Variants in ZBTB21 observed in about 807,000 individuals in gnomAD.
ZBTB21 encodes zinc finger and BTB domain-containing protein 21.
In ZBTB21, 10 loss-of-function variants were observed where a neutral mutation model predicts 39.8. The observed-to-expected ratio is 0.25, with a 90% CI of 0.16 to 0.43. The LOEUF is 0.43. Ranked by LOEUF, ZBTB21 falls within the 20% of genes least tolerant of loss-of-function variation. ZBTB21 has a pLI of 1.00. For synonymous variants in ZBTB21, 551 were observed against 498.8 expected, an observed-to-expected ratio of 1.10 and a Z score of -1.40; for missense variants, 1,221 against 1,296.3, an observed-to-expected ratio of 0.94 and a Z score of 0.89.
chr21:42,002,913 C>G lies in ZBTB21; in HGVS notation c.-30G>C, dbSNP rs775981551. On this transcript the variant is annotated 5_prime_UTR_variant, in exon 2 of 3. Coordinates refer to ENST00000310826, the MANE Select transcript of ZBTB21 (RefSeq NM_001098402.2). The stretch of plus-strand genomic sequence containing the variant: ...CTTGCTTACCACTTTGATCCTCGCA[C>G]ACAAATAGCTTCCCAAAGCCTTCCT... 4 of 152,234 alleles carry G rather than the reference C, an allele frequency of 2.6e-5. No homozygotes were observed. The highest frequency in any genetic ancestry group is 5.9e-5 in the Non-Finnish European group (4 of 68,036). The allele number at this position is 152,234 out of a possible 1,614,324, so 9.4% of individuals were successfully genotyped here. A position where few individuals can be genotyped will look rare whatever the true frequency, so the allele number is the denominator to read the frequency against.
intron 1 of ZBTB21, among the ~76,000 whole-genome samples, chr21:42,009,940 G>T (rs960099292): frequency 6.6e-6 from 1 of 152,210 alleles, no homozygotes; most frequent in Non-Finnish European, 1.5e-5. Context: ...GGGGCAGCTC[G>T]GCCAGGGTGA....
chr21:41,990,967 A>C lies in ZBTB21; in HGVS notation c.3129T>G (p.Phe1043Leu). Reference sequence around the variant, plus strand: ...ATGTCCTGTGGCAAAGTTTACACATAAACTGTCTTTTAAATGTGATTGCTG... The same window carrying C: ...ATGTCCTGTGGCAAAGTTTACACATCAACTGTCTTTTAAATGTGATTGCTG... ...PLSAITFKRQFMCKLCHRTFK... is the reference protein window; with the variant it reads ...PLSAITFKRQLMCKLCHRTFK... Residue 1043 changes from phenylalanine (F) to leucine (L), a missense_variant, in exon 3 of 3, where the codon TTT becomes TTG. Physicochemically the swap from Phe to Leu is conservative, Grantham distance 22. This residue lies in a region of ZBTB21 where 523 missense variants were observed against 542.5 expected (regional missense o/e 0.96). Transcript: ENST00000310826. 1 of 1,524,698 alleles carries C rather than the reference A, an allele frequency of 6.6e-7. No homozygotes were observed. The highest frequency in any genetic ancestry group is 8.8e-7 in the Non-Finnish European group (1 of 1,138,044). 94.4% of individuals were successfully genotyped at this position (1,524,698 alleles called of 1,614,324 possible).
rs781233991 is a variant in ZBTB21, at chr21:41,994,059, C to T, written c.37G>A (p.Ala13Thr). Residue 13 changes from alanine to threonine, a missense_variant, in exon 3 of 3, where the codon GCC becomes ACC. Ala to Thr is a moderately conservative substitution (Grantham distance 58, BLOSUM62 0). Coordinates refer to ENST00000310826, the MANE Select transcript of ZBTB21 (RefSeq NM_001098402.2). ...TTCAGGGCACTTAGGAGAGAAATGG[C>T]GTGTGCAGGGTTGATGTAATGCAGT... ...GLLHYINPAHAISLLSALNEE... is the reference protein window; with the variant it reads ...GLLHYINPAHTISLLSALNEE... 6.8e-6 allele frequency: 11 copies of T among 1,612,442 alleles called. No individual in the cohort carries two copies. The highest frequency in any genetic ancestry group is 6.6e-5 in the South Asian group (6 of 90,712).
intron 1 of ZBTB21, among the ~76,000 whole-genome samples, chr21:42,005,988 TA>T: frequency 6.6e-6 from 1 of 152,242 alleles, no homozygotes; most frequent in African/African-American, 2.4e-5. Flanking sequence ...AGCTGAGACC[TA>T]AGATCTGAAT....
intron 1 of ZBTB21, chr21:42,008,194 G>A (rs1247936585): frequency 6.6e-6 from 1 of 152,016 alleles, no homozygotes; most frequent in Non-Finnish European, 1.5e-5. Flanking sequence ...TACTTCCATT[G>A]GCTTTGCGGA....
In ZBTB21 at chr21:41,993,645, C is replaced by T; in HGVS notation, c.451G>A (p.Val151Ile). ...TGCGCTTCGTTTCTACTTTGACAAA[C>T]AATGACACTTCTCTTTTGAGAACTG... is the stretch of plus-strand genomic sequence containing the variant. ...ENSSQKRSVI[V>I]CQSRNEAQGK... The change falls in exon 3 of 3, where the codon GTT becomes ATT. Residue 151 changes from valine (V) to isoleucine (I), a missense_variant. By Grantham distance (29) the Val-to-Ile change is conservative. This residue lies in a region of ZBTB21 where 500 missense variants were observed against 465.6 expected (regional missense o/e 1.07). Transcript: ENST00000310826. The T allele has an allele frequency of 6.2e-7, 1 of 1,614,182 alleles. No individual in the cohort carries two copies. The highest frequency in any genetic ancestry group is 8.5e-7 in the Non-Finnish European group (1 of 1,180,026).
At position 41,990,467 on chromosome 21, in the gene ZBTB21, T is replaced by C. The variant is rs551718848; in HGVS notation, c.*428A>G. On this transcript the variant is annotated 3_prime_UTR_variant, in exon 3 of 3. Transcript: ENST00000310826. ...CAATACTGCAAACTACTCCACTTCT[T>C]CCTATTTTGGACTTAAGAACATGGT... is the stretch of plus-strand genomic sequence containing the variant. 8.6e-4 allele frequency: 132 copies of C among 153,284 alleles called. No individual in the cohort carries two copies. The highest frequency in any genetic ancestry group is 1.7e-3 in the Non-Finnish European group (113 of 68,480). 9.5% of individuals were successfully genotyped at this position (153,284 alleles called of 1,614,324 possible).
At chr21:41,997,440 G>A (rs2065761703) in intron 2 of ZBTB21, among the ~76,000 whole-genome samples, 1 of 151,926 alleles carries the variant, frequency 6.6e-6, no homozygotes. Context: ...GCCGAGGGTG[G>A]TGGCATGTGC....
In ZBTB21 at chr21:41,992,444, C is replaced by T; in HGVS notation, c.1652G>A (p.Cys551Tyr). The change falls in exon 3 of 3, where the codon TGC becomes TAC. Residue 551 changes from cysteine (C) to tyrosine (Y), a missense_variant. Cys to Tyr is a radical substitution (Grantham distance 194). This residue lies in a region of ZBTB21 where 90 missense variants were observed against 133.1 expected (regional missense o/e 0.68). Transcript: ENST00000310826. This position sits in a 1 kb window ranked among gnomAD's most constrained non-coding sequence, Gnocchi z 4.1. Reference sequence around the variant, plus strand: ...TGCTGTTGATCTAAAGATCTTAAGGCAATGTTTGCATTTAAATTTTTTGTT... The same window carrying T: ...TGCTGTTGATCTAAAGATCTTAAGGTAATGTTTGCATTTAAATTTTTTGTT... ...RPNKKFKCKHCLKIFRSTAGL... is the reference protein window; with the variant it reads ...RPNKKFKCKHYLKIFRSTAGL... The T allele has an allele frequency of 4.3e-6, 7 of 1,614,040 alleles. No individual in the cohort carries two copies. The highest frequency in any genetic ancestry group is 5.9e-6 in the Non-Finnish European group (7 of 1,179,996).
At chr21:41,996,805 T>TG (rs2065753016) in intron 2 of ZBTB21, among the ~76,000 whole-genome samples, 1 of 152,220 alleles carries the variant, frequency 6.6e-6, no homozygotes, top group Non-Finnish European at 1.5e-5. Flanking sequence ...GGGAAGTAAC[T>TG]GGATCATGGG....
rs750114432 is a variant in ZBTB21 at position 41,992,990 on chromosome 21, G to T, written c.1106C>A (p.Ser369Tyr). ...CAACACATTCCCTGGTGCATCACTG[G>T]ACACCGAAGATGATCCCTGGGAAGA... ...LKSSQGSSSV[S>Y]SDAPGNVLCA... Residue 369 changes from serine to tyrosine, a missense_variant, in exon 3 of 3, where the codon TCC becomes TAC. Ser to Tyr is a moderately radical substitution (Grantham distance 144, BLOSUM62 -2). Transcript: ENST00000310826. This position sits in a 1 kb window ranked among gnomAD's most constrained non-coding sequence, Gnocchi z 4.1. 44 of 1,614,054 alleles carry T rather than the reference G, an allele frequency of 2.7e-5. No homozygotes were observed. The highest frequency in any genetic ancestry group is 3.6e-5 in the Non-Finnish European group (42 of 1,180,040).
Position 41,989,571 on chromosome 21 carries a change from G to C in ZBTB21, c.*1324C>G, listed in dbSNP as rs1601626397. ...CACATTGAACTTTGGATATCCTACT[G>C]AAAGGCTTTCAATTACAAATTATAC... On this transcript the variant is annotated 3_prime_UTR_variant, in exon 3 of 3. Transcript: ENST00000310826. 1.3e-5 allele frequency: 2 copies of C among 152,012 alleles called. No homozygotes were observed. The highest frequency in any genetic ancestry group is 4.1e-4 in the South Asian group (2 of 4,830). 9.4% of individuals were successfully genotyped at this position (152,012 alleles called of 1,614,324 possible).
At position 41,992,531 on chromosome 21, in the gene ZBTB21, G is replaced by A. The variant is rs35124464; in HGVS notation, c.1565C>T (p.Ala522Val). The change falls in exon 3 of 3, where the codon GCA becomes GTA. Residue 522 changes from alanine (A) to valine (V), a missense_variant. Ala to Val is a moderately conservative substitution (Grantham distance 64). Coordinates refer to ENST00000310826, the MANE Select transcript of ZBTB21 (RefSeq NM_001098402.2). This position sits in a 1 kb window ranked among gnomAD's most constrained non-coding sequence, Gnocchi z 4.1. ...EEGSSPTLLD[A>V]DFPDSDLNKD... Reference sequence around the variant, plus strand: ...ATTCAAATCAGAATCTGGAAAATCTGCATCAAGGAGAGTAGGGCTTGAGCC... The same window carrying A: ...ATTCAAATCAGAATCTGGAAAATCTACATCAAGGAGAGTAGGGCTTGAGCC... 6.2e-7 allele frequency: 1 copy of A among 1,614,040 alleles called. No individual in the cohort carries two copies. Among genetic ancestry groups the A allele is most frequent in the Non-Finnish European group, 8.5e-7 (1 of 1,180,040 alleles).
In ZBTB21 at chr21:42,008,625, TCTTAA is replaced by T. The variant is rs533674595; in HGVS notation, c.-79+1622_-79+1626del. On this transcript the variant is annotated intron_variant, in intron 1 of 2. Coordinates refer to ENST00000310826, the MANE Select transcript of ZBTB21 (RefSeq NM_001098402.2). The stretch of plus-strand genomic sequence containing the variant: ...TTATCTCATTTCCATCGAGAGACCT[TCTTAA>T]CTTAACCCCAATTTTGTTATTTACA... Among the ~76,000 whole-genome samples the T allele has an allele frequency of 3.3e-3, 506 of 151,600 alleles. 1 individual carries two copies. The highest frequency in any genetic ancestry group is 6.8e-3 in the Middle Eastern group (2 of 294).
Position 41,991,930 on chromosome 21 carries a change from G to A in ZBTB21, c.2166C>T (p.Tyr722=). The A allele has an allele frequency of 6.2e-7, 1 of 1,614,126 alleles. No homozygotes were observed. Among genetic ancestry groups the A allele is most frequent in the Non-Finnish European group, 8.5e-7 (1 of 1,180,020 alleles). ...LASPVENKEV[Y]QCRLCNAKLS... ...GCTTAGCATTACAGAGGCGGCACTG[G>A]TAAACCTCCTTGTTTTCTACTGGAC... Residue 722 remains tyrosine (Y), a synonymous_variant, in exon 3 of 3, where the codon TAC becomes TAT. Coordinates refer to ENST00000310826, the MANE Select transcript of ZBTB21 (RefSeq NM_001098402.2). The surrounding 1 kb of genome is among the most constrained non-coding windows in gnomAD (Gnocchi z 4.9).
At chr21:42,002,416 C>T (rs928874) in intron 2 of ZBTB21, 40,186 of 152,070 alleles carry the variant, frequency 0.26, 5,738 homozygotes, top group Middle Eastern at 0.41. Flanking sequence ...CAACTGCTGA[C>T]GATCACGAGA....
At chr21:42,004,357 C>CT (rs1485826303) in intron 1 of ZBTB21, among the ~76,000 whole-genome samples, 2 of 152,052 alleles carry the variant, frequency 1.3e-5, no homozygotes, top group Admixed American at 6.6e-5. Context: ...ATACTTTCCT[C>CT]TTTATAGAGT....
At chr21:42,008,342 C>CAAAAAAAAAAA (rs767411984) in intron 1 of ZBTB21, among the ~76,000 whole-genome samples, 5 of 54,296 alleles carry the variant, frequency 9.2e-5, no homozygotes, top group African/African-American at 1.5e-4. Context: ...CCCGTCTCTA[C>CAAAAAAAAAAA]AAAAAAAAAA....
At chr21:42,001,071 C>A (rs972001892) in intron 2 of ZBTB21, among the ~76,000 whole-genome samples, 3 of 152,140 alleles carry the variant, frequency 2.0e-5, no homozygotes, top group African/African-American at 7.2e-5. Flanking sequence ...GAGGTAGGTA[C>A]TATTATTATC....
Sources: gnomAD v4.1 joint callset for allele counts (sites outside exome capture counted in the v4.1 genomes callset) on GRCh38, gnomAD v4.1.1 for gene constraint, gnomAD v4.1.1 regional missense constraint, Gnocchi (gnomAD v3.1) non-coding constraint, MANE v1.5 for transcripts, NCBI Gene and HGNC (gene_info 2026-07-23, HGNC 2026-07-21) for gene names.